Variants in SYNDIG1 observed in about 807,000 individuals in gnomAD.
The protein encoded by SYNDIG1 is synapse differentiation inducing 1.
A neutral mutation model predicts 19.4 loss-of-function variants in SYNDIG1; 9 were observed. The ratio of observed to expected loss-of-function variants is 0.46; its 90% CI spans 0.28 to 0.81. The LOEUF (loss-of-function observed/expected upper bound fraction) is 0.81. Among genes scored for constraint, SYNDIG1 ranks in the 30% least tolerant of loss-of-function variants. SYNDIG1 has a pLI of 0.12. For missense variants in SYNDIG1, 311 were observed against 343.3 expected, an observed-to-expected ratio of 0.91 and a Z score of 0.74; for synonymous variants, 141 against 145.9, an observed-to-expected ratio of 0.97 and a Z score of 0.24.
intron 1 of SYNDIG1, among the ~76,000 whole-genome samples, chr20:24,508,886 G>A (rs1471920015): frequency 1.3e-5 from 2 of 152,170 alleles, no homozygotes; most frequent in African/African-American, 2.4e-5. Context: ...AGATGAAATC[G>A]AGGATGTTAC....
chr20:24,523,617 G>A (rs1248342993), intron 1 of SYNDIG1, among the ~76,000 whole-genome samples: 1 of 152,116 alleles, frequency 6.6e-6, no homozygotes, highest in African/African-American at 2.4e-5. Context: ...CAGGTCAAAC[G>A]GATTCTGTCT....
intron 2 of SYNDIG1, among the ~76,000 whole-genome samples, chr20:24,571,313 T>C (rs2058139021): frequency 6.6e-6 from 1 of 152,176 alleles, no homozygotes; most frequent in Non-Finnish European, 1.5e-5. Context: ...TAGTCAGAAG[T>C]GTTATACCAA....
chr20:24,522,429 A>G (rs773196631), intron 1 of SYNDIG1, among the ~76,000 whole-genome samples: 31 of 152,050 alleles, frequency 2.0e-4, no homozygotes, highest in Admixed American at 1.3e-3. Flanking sequence ...TTTAAATTCT[A>G]CCAGTGGACT....
Position 24,665,880 on chromosome 20 carries a change from C to T in SYNDIG1, c.*376C>T, listed in dbSNP as rs896730534. 7.8e-5 allele frequency: 17 copies of T among 217,430 alleles called. No individual in the cohort carries two copies. The highest frequency in any genetic ancestry group is 1.7e-4 in the African/African-American group (7 of 42,424). The allele number at this position is 217,430 out of a possible 1,614,324, so 13.5% of individuals were successfully genotyped here. A position where few individuals can be genotyped will look rare whatever the true frequency, so the allele number is the denominator to read the frequency against. The stretch of plus-strand genomic sequence containing the variant: ...AAAAGTGTTTATTTTTTATGGAATA[C>T]GGTGCAATAGGCAGAGGACAAGGGA... On this transcript the variant is annotated 3_prime_UTR_variant, in exon 4 of 4. Transcript: ENST00000376862.
At chr20:24,474,694 C>T (rs893498625) in intron 1 of SYNDIG1, among the ~76,000 whole-genome samples, 2 of 152,258 alleles carry the variant, frequency 1.3e-5, no homozygotes, top group East Asian at 3.9e-4. Context: ...AGAGTACTTG[C>T]GTGGATTTCA....
chr20:24,650,667 G>A lies in SYNDIG1; in HGVS notation c.619-14679G>A, dbSNP rs555118215. 7.9e-5 allele frequency among the ~76,000 whole-genome samples: 12 copies of A among 152,298 alleles called. No individual in the cohort carries two copies. In the South Asian group the frequency reaches 1.5e-3, roughly 18 times the overall value. ...CTCCCAGCTAGGACAGCGTTCCAGC[G>A]TGCTCTTGCCAGCTGTAATGGTTCT... On this transcript the variant is annotated intron_variant, in intron 3 of 3. Coordinates refer to ENST00000376862, the MANE Select transcript of SYNDIG1 (RefSeq NM_024893.3).
chr20:24,489,462 GAC>G (rs202123609), intron 1 of SYNDIG1, among the ~76,000 whole-genome samples: 3,955 of 148,368 alleles, frequency 0.027, 177 homozygotes, highest in African/African-American at 0.092. Context: ...CATGCACACA[GAC>G]ACATACGTGC....
chr20:24,482,368 C>A lies in SYNDIG1; in HGVS notation c.-79+12615C>A, dbSNP rs147000431. The stretch of plus-strand genomic sequence containing the variant: ...ACAGGCGTGAGTCACCACGCCCGGC[C>A]GTGCATCTTTACTTGTAATGATGAA... On this transcript the variant is annotated intron_variant, in intron 1 of 3. Transcript: ENST00000376862. Among the ~76,000 whole-genome samples the A allele has an allele frequency of 5.2e-4, 79 of 152,220 alleles. 1 individual carries two copies. Among genetic ancestry groups the A allele is most frequent in the African/African-American group, 1.8e-3 (75 of 41,542 alleles).
intron 2 of SYNDIG1, among the ~76,000 whole-genome samples, chr20:24,569,188 T>C (rs550155457): frequency 1.3e-5 from 2 of 152,328 alleles, no homozygotes; most frequent in African/African-American, 4.8e-5. Context: ...TTACTGTGAT[T>C]TGACCACAGG....
intron 2 of SYNDIG1, among the ~76,000 whole-genome samples, chr20:24,559,114 A>C (rs752857299): frequency 6.6e-6 from 1 of 151,932 alleles, no homozygotes; most frequent in Non-Finnish European, 1.5e-5. Context: ...TGGATTTTTT[A>C]AAAATGTGGT....
intron 3 of SYNDIG1, among the ~76,000 whole-genome samples, chr20:24,621,155 C>T (rs2059032279): frequency 6.6e-6 from 1 of 152,118 alleles, no homozygotes; most frequent in Admixed American, 6.5e-5. Context: ...ATATCTGCAG[C>T]CTGATGTTTT....
chr20:24,494,603 G>A (rs2056248367), intron 1 of SYNDIG1, among the ~76,000 whole-genome samples: 1 of 152,206 alleles, frequency 6.6e-6, no homozygotes, highest in Non-Finnish European at 1.5e-5. Context: ...ACAGGATGCA[G>A]GGAACAGACC....
intron 3 of SYNDIG1, among the ~76,000 whole-genome samples, chr20:24,663,355 T>C (rs2147412393): frequency 6.6e-6 from 1 of 152,122 alleles, no homozygotes; most frequent in East Asian, 1.9e-4. Flanking sequence ...AAAGAGCAAA[T>C]GTGATTCTCA....
At chr20:24,552,591 A>G (rs2057726284) in intron 2 of SYNDIG1, among the ~76,000 whole-genome samples, 2 of 152,008 alleles carry the variant, frequency 1.3e-5, no homozygotes, top group African/African-American at 4.8e-5. Flanking sequence ...TAGTTTACTG[A>G]GAATGATGAT....
intron 3 of SYNDIG1, among the ~76,000 whole-genome samples, chr20:24,653,314 C>A (rs1463954310): frequency 1.3e-5 from 2 of 152,136 alleles, no homozygotes; most frequent in African/African-American, 4.8e-5. Context: ...CCAGTCCACT[C>A]CACCACCACC....
intron 2 of SYNDIG1, among the ~76,000 whole-genome samples, chr20:24,556,155 T>C (rs2057811705): frequency 6.6e-6 from 1 of 152,180 alleles, no homozygotes. Flanking sequence ...TTCCATTTGC[T>C]TGGTAGATCT....
chr20:24,569,162 T>C (rs1014513899), intron 2 of SYNDIG1, among the ~76,000 whole-genome samples: 11 of 152,118 alleles, frequency 7.2e-5, no homozygotes, highest in African/African-American at 2.7e-4. Flanking sequence ...TGAAAACTGT[T>C]CCCCCTCTTT....
chr20:24,543,604 C>T, intron 2 of SYNDIG1, 27 bp downstream of exon 2: 2 of 1,588,318 alleles, frequency 1.3e-6, no homozygotes, highest in South Asian at 2.2e-5. Context: ...GTCAGAGGCC[C>T]TCTAAGAATG....
chr20:24,635,215 C>T (rs1185120774), intron 3 of SYNDIG1, among the ~76,000 whole-genome samples: 3 of 152,152 alleles, frequency 2.0e-5, no homozygotes, highest in Non-Finnish European at 2.9e-5. Context: ...CATGAACACA[C>T]GAAGAATTGG....
Sources: allele counts gnomAD v4.1 joint callset (sites outside exome capture counted in the v4.1 genomes callset), GRCh38; gene constraint gnomAD v4.1.1; transcripts MANE v1.5; gene names NCBI Gene and HGNC (gene_info 2026-07-23, HGNC 2026-07-21).